CUL4B: variants seen among roughly 807,000 people sequenced by gnomAD.
The protein encoded by CUL4B is cullin-4B.
Under a neutral mutation model 69.2 loss-of-function variants are expected in CUL4B, and 1 was observed. That is an observed-to-expected ratio of 0.01 (90% confidence interval 0.01 to 0.07). The LOEUF (loss-of-function observed/expected upper bound fraction) is 0.07. Ranked by LOEUF, CUL4B falls within the 10% of genes least tolerant of loss-of-function variation. The pLI is 1.00. For missense variants in CUL4B, 328 were observed against 638.8 expected (o/e 0.51, Z 5.24); for synonymous variants, 237 against 223.2 (o/e 1.06, Z -0.55).
At chrX:120,542,603 C>CT (rs1924062906) in intron 9 of CUL4B, among the ~76,000 whole-genome samples, 1 of 111,643 alleles carries the variant, frequency 9.0e-6, no homozygotes, top group African/African-American at 3.3e-5. Flanking sequence ...GAATTTCCCA[C>CT]TTTTTTTCTT....
chrX:120,529,996 C>G, intron 19 of CUL4B, 106 bp downstream of exon 19: 2 of 872,911 alleles, frequency 2.3e-6, no homozygotes, highest in South Asian at 2.3e-5. Flanking sequence ...ACTTTTCTCT[C>G]TCTAAATGGT....
At chrX:120,575,336 C>G (rs1925838303) in intron 1 of CUL4B, 1 of 112,278 alleles carries the variant, frequency 8.9e-6, no homozygotes, top group Non-Finnish European at 1.9e-5. Flanking sequence ...ATAACCAGGT[C>G]CACCTTCAAT....
intron 16 of CUL4B, among the ~76,000 whole-genome samples, chrX:120,534,965 A>C (rs1923567119): frequency 8.9e-6 from 1 of 112,167 alleles, no homozygotes; most frequent in Admixed American, 9.5e-5. Flanking sequence ...TTTTGAGATT[A>C]GATATTGCAC....
intron 2 of CUL4B, among the ~76,000 whole-genome samples, chrX:120,554,191 T>C (rs760279493): frequency 6.2e-5 from 7 of 112,326 alleles, no homozygotes; most frequent in Non-Finnish European, 9.4e-5. Flanking sequence ...ACTGTGATAA[T>C]TACTTTTTTG....
In CUL4B at chrX:120,574,722, A is replaced by G. The variant is rs1925818385; in HGVS notation, c.-13-92T>C. The G allele has an allele frequency of 3.0e-5, 21 of 707,985 alleles. No individual in the cohort carries two copies. The Admixed American group carries it at 4.9e-4, about 16-fold the overall frequency. 58.3% of individuals were successfully genotyped at this position (707,985 alleles called of 1,213,427 possible). On this transcript the variant is annotated intron_variant, in intron 1 of 2. Transcript: ENST00000486604. Reference sequence around the variant, plus strand: ...TTCATTGACTCTGGTTTCCCAGCCAATTTTATCCTATTTGTTCCATATCTT... The same window carrying G: ...TTCATTGACTCTGGTTTCCCAGCCAGTTTTATCCTATTTGTTCCATATCTT...
intron 2 of CUL4B, among the ~76,000 whole-genome samples, chrX:120,552,581 T>C (rs942393790): frequency 7.2e-5 from 8 of 111,766 alleles, no homozygotes; most frequent in Non-Finnish European, 1.3e-4. Context: ...ACCCTTATTC[T>C]TCCAAATCCC....
chrX:120,526,803 T>G lies in CUL4B; in HGVS notation c.2646A>C (p.Glu882Asp). ...IESLIDRDYM[E>D]RDKENPNQYN... ...ACTGGTTTGGATTTTCTTTATCTCT[T>G]TCCATGTAGTCCCGGTCAATTAAAG... The change falls in exon 20 of 20, where the codon GAA (glutamate) becomes GAC (aspartate). Residue 882 changes from glutamate to aspartate, a missense_variant. By Grantham distance (45) the Glu-to-Asp change is conservative. Transcript: ENST00000371322. The G allele has an allele frequency of 8.3e-7, 1 of 1,198,202 alleles. No homozygotes were observed. The highest frequency in any genetic ancestry group is 1.1e-6 in the Non-Finnish European group (1 of 885,372).
rs764079978 is a variant in CUL4B at position 120,524,194 on chromosome X, C to T, written c.*2567G>A. 3.6e-5 allele frequency among the ~76,000 whole-genome samples: 4 copies of T among 111,268 alleles called. 1 individual carries two copies. The South Asian group carries it at 1.1e-3, about 31-fold the overall frequency. Reference sequence around the variant, plus strand: ...TTCAAAAACTTTGAGGAACATCTTACTCTGAGAGTATCTGGCCCAGAACTC... The same window carrying T: ...TTCAAAAACTTTGAGGAACATCTTATTCTGAGAGTATCTGGCCCAGAACTC... On this transcript the variant is annotated 3_prime_UTR_variant, in exon 20 of 20. Transcript: ENST00000371322.
chrX:120,558,410 A>G (rs1054345666), intron 1 of CUL4B, among the ~76,000 whole-genome samples: 1 of 112,003 alleles, frequency 8.9e-6, no homozygotes, highest in African/African-American at 3.2e-5. Context: ...AGTACTGTCT[A>G]TGTGCAAGGT....
intron 2 of CUL4B, among the ~76,000 whole-genome samples, chrX:120,572,690 G>A (rs946827139): frequency 5.4e-5 from 6 of 110,575 alleles, no homozygotes; most frequent in Non-Finnish European, 9.4e-5. Flanking sequence ...AAATTTTTCT[G>A]TGACTTTATT....
chrX:120,531,549 T>A (rs1366494602), intron 18 of CUL4B, among the ~76,000 whole-genome samples: 1 of 106,753 alleles, frequency 9.4e-6, no homozygotes, highest in Non-Finnish European at 1.9e-5. Flanking sequence ...AACCTCCACA[T>A]CCCGGGTTCA....
At chrX:120,571,734 T>C (rs142286481) in exon 3 of CUL4B, 51 of 111,082 alleles carry the variant, frequency 4.6e-4, no homozygotes, top group African/African-American at 1.6e-3. Flanking sequence ...GGTCCATTTA[T>C]ACACATATTT....
intron 2 of CUL4B, among the ~76,000 whole-genome samples, chrX:120,550,979 A>G (rs1041442554): frequency 5.4e-5 from 6 of 112,056 alleles, no homozygotes; most frequent in African/African-American, 1.9e-4. Context: ...TGTCTGTCAC[A>G]AAGAGAACTA....
upstream of CUL4B, among the ~76,000 whole-genome samples, chrX:120,562,116 C>T (rs986203113): frequency 2.7e-5 from 3 of 111,546 alleles, no homozygotes; most frequent in African/African-American, 9.8e-5. Flanking sequence ...TCCTAACCCC[C>T]ACTCTATCAG....
At position 120,572,464 on chromosome X, in the gene CUL4B, CAAAA is replaced by C. The variant is rs66749436; in HGVS notation, c.68-468_68-465del. ...CCTGAGCAACAAGAGCAAAACTCCTCAAAAAAAAAAAAAAAAAAAGAAAAAGAAA... is the reference window on the plus strand; with the variant it reads ...CCTGAGCAACAAGAGCAAAACTCCTCAAAAAAAAAAAAAAAGAAAAAGAAA... On this transcript the variant is annotated intron_variant, in intron 2 of 2. Coordinates refer to the CUL4B transcript ENST00000486604. 9.0e-3 allele frequency among the ~76,000 whole-genome samples: 453 copies of C among 50,406 alleles called. 4 individuals are homozygous for C. Among genetic ancestry groups the C allele is most frequent in the African/African-American group, 0.032 (428 of 13,313 alleles). The allele number at this position is 50,406 out of a possible 115,157, so 43.8% of individuals were successfully genotyped here. A position where few individuals can be genotyped will look rare whatever the true frequency, so the allele number is the denominator to read the frequency against.
At position 120,560,667 on chromosome X, in the gene CUL4B, GC is replaced by G; in HGVS notation, c.-30del. On this transcript the variant is annotated 5_prime_UTR_variant, in exon 1 of 20. An upstream start codon of the reference 5' UTR is lost. Coordinates refer to ENST00000371322, the MANE Select transcript of CUL4B (RefSeq NM_001079872.2). ...AATAGCGGGGTCAACAGGCAGAGGA[GC>G]ATCAAAAACCTACGTTTATATGCCT... The G allele has an allele frequency of 8.4e-7, 1 of 1,194,245 alleles. No homozygotes were observed.
intron 2 of CUL4B, among the ~76,000 whole-genome samples, chrX:120,549,118 TCAC>T (rs1456489201): frequency 3.6e-5 from 4 of 112,137 alleles, no homozygotes; most frequent in Non-Finnish European, 5.6e-5. Flanking sequence ...AATTCCTTTC[TCAC>T]CACAACAGAA....
At chrX:120,549,320 G>A (rs1195550958) in intron 2 of CUL4B, among the ~76,000 whole-genome samples, 1 of 112,147 alleles carries the variant, frequency 8.9e-6, no homozygotes, top group Non-Finnish European at 1.9e-5. Context: ...TTGGGAGGCC[G>A]AGGCGGGCAG....
intron 1 of CUL4B, 79 bp from the exon 2 acceptor site, chrX:120,558,118 T>C: frequency 1.7e-6 from 1 of 582,406 alleles, no homozygotes; most frequent in Non-Finnish European, 2.9e-6. Context: ...ATAATAGCAT[T>C]ACTAATTTTA....
Sources: gnomAD v4.1 joint callset for allele counts (sites outside exome capture counted in the v4.1 genomes callset) on GRCh38, gnomAD v4.1.1 for gene constraint, MANE v1.5 for transcripts, NCBI Gene and HGNC (gene_info 2026-07-23, HGNC 2026-07-21) for gene names.